Variants in PHF14 observed in about 807,000 individuals in gnomAD.
PHF14 encodes the protein PHD finger protein 14.
A neutral mutation model predicts 117.9 loss-of-function variants in PHF14; 55 were observed. That is an observed-to-expected ratio of 0.47 (90% CI 0.38 to 0.58). The LOEUF (loss-of-function observed/expected upper bound fraction) is 0.58, where lower values mean the gene tolerates loss of function less well. Among genes scored for constraint, PHF14 ranks in the 20% least tolerant of loss-of-function variants. The probability of loss-of-function intolerance (pLI) is 0.00; values close to 1 mark genes in which losing one functional copy is unlikely to be tolerated. For missense variants in PHF14, 978 were observed against 1,122.2 expected, an observed-to-expected ratio of 0.87 and a Z score of 1.84; for synonymous variants, 409 against 368.6, an observed-to-expected ratio of 1.11 and a Z score of -1.26.
At chr7:11,142,776 A>G (rs1355980942) in intron 17 of PHF14, among the ~76,000 whole-genome samples, 1 of 152,146 alleles carries the variant, frequency 6.6e-6, no homozygotes, top group African/African-American at 2.4e-5. Flanking sequence ...TACAAATGAA[A>G]TAGTTCCTGT....
At chr7:11,073,458 A>T (rs988745695) in intron 16 of PHF14, among the ~76,000 whole-genome samples, 2 of 152,254 alleles carry the variant, frequency 1.3e-5, no homozygotes, top group Non-Finnish European at 2.9e-5. Context: ...GCACACTAGT[A>T]CAATGGGTGG....
At chr7:11,099,685 A>G (rs1315374933) in intron 16 of PHF14, among the ~76,000 whole-genome samples, 1 of 152,148 alleles carries the variant, frequency 6.6e-6, no homozygotes, top group Non-Finnish European at 1.5e-5. Context: ...TGTTGACTAG[A>G]TGAATGACCT....
chr7:11,127,900 T>A (rs1583487257), intron 17 of PHF14, among the ~76,000 whole-genome samples: 1 of 152,228 alleles, frequency 6.6e-6, no homozygotes, highest in South Asian at 2.1e-4. Flanking sequence ...GATTTTTTTT[T>A]TCATAATTAT....
chr7:11,128,506 C>T (rs529539846), intron 17 of PHF14, among the ~76,000 whole-genome samples: 16 of 152,008 alleles, frequency 1.1e-4, no homozygotes, highest in Non-Finnish European at 2.1e-4. Context: ...CCATTCTACA[C>T]ACTTTTTCCC....
chr7:11,131,829 CTG>C (rs770405187), intron 17 of PHF14, among the ~76,000 whole-genome samples: 47 of 151,234 alleles, frequency 3.1e-4, no homozygotes, highest in Admixed American at 5.3e-4. Flanking sequence ...CGTTCTCTCT[CTG>C]TCTCTCTCTC....
At chr7:10,974,998 T>C in intron 2 of PHF14, 53 bp downstream of exon 2, 1 of 867,466 alleles carries the variant, frequency 1.2e-6, no homozygotes, top group South Asian at 1.6e-5. Flanking sequence ...GTTAGGCTTA[T>C]TTTTAGACTT....
intron 4 of PHF14, chr7:11,006,507 G>A (rs1783104901): frequency 1.8e-6 from 1 of 560,040 alleles, no homozygotes; most frequent in Non-Finnish European, 3.5e-6. Flanking sequence ...TGACACCTTG[G>A]CCACATCAAT....
intron 2 of PHF14, among the ~76,000 whole-genome samples, chr7:10,976,444 T>A (rs1335596900): frequency 6.6e-6 from 1 of 152,164 alleles, no homozygotes; most frequent in Admixed American, 6.5e-5. Context: ...GTTGTAAACT[T>A]TGACAAACAT....
intron 4 of PHF14, among the ~76,000 whole-genome samples, chr7:10,997,861 T>C (rs1782716006): frequency 6.6e-6 from 1 of 152,172 alleles, no homozygotes; most frequent in Non-Finnish European, 1.5e-5. Flanking sequence ...AATCTAATAT[T>C]GGTAGTGCAT....
At chr7:11,128,883 C>T (rs1788008972) in intron 17 of PHF14, among the ~76,000 whole-genome samples, 2 of 151,708 alleles carry the variant, frequency 1.3e-5, no homozygotes, top group African/African-American at 4.8e-5. Flanking sequence ...TTCTAGTTGC[C>T]CTACAATCCT....
intron 2 of PHF14, among the ~76,000 whole-genome samples, chr7:10,982,032 C>G (rs915723855): frequency 2.6e-5 from 4 of 152,150 alleles, no homozygotes; most frequent in Admixed American, 2.6e-4. Flanking sequence ...AGTGCCCAAT[C>G]TTAAAAGAAG....
intron 14 of PHF14, among the ~76,000 whole-genome samples, chr7:11,059,963 T>TGGGCTCAAGTTATCTTCCC (rs1785159736): frequency 6.6e-6 from 1 of 152,160 alleles, no homozygotes; most frequent in Admixed American, 6.5e-5. Context: ...CTAGATCTCC[T>TGGGCTCAAGTTATCTTCCC]GGGCTCAAGT....
At chr7:10,994,582 G>A (rs1326526033) in intron 4 of PHF14, among the ~76,000 whole-genome samples, 4 of 152,120 alleles carry the variant, frequency 2.6e-5, no homozygotes, top group Non-Finnish European at 5.9e-5. Context: ...TGCAGATTCC[G>A]GTACTGATTT....
intron 16 of PHF14, among the ~76,000 whole-genome samples, chr7:11,072,141 C>T (rs113044401): frequency 1.7e-4 from 26 of 152,192 alleles, no homozygotes; most frequent in African/African-American, 4.8e-4. Flanking sequence ...GGAAGCATAG[C>T]GGTTTCTGCT....
At chr7:10,982,046 A>G (rs1164498170) in intron 2 of PHF14, among the ~76,000 whole-genome samples, 1 of 152,214 alleles carries the variant, frequency 6.6e-6, no homozygotes, top group East Asian at 1.9e-4. Context: ...AAAGAAGCAC[A>G]TTTACTTTAA....
Position 11,138,381 on chromosome 7 carries a change from GA to G in PHF14, c.2772+26923del, listed in dbSNP as rs757311413. On this transcript the variant is annotated intron_variant, in intron 17 of 17. Transcript: ENST00000634607. ...AAGAGACTCCTTACAAGGTGATAAT[GA>G]AAAAAAAACACAGTTGAGAAACACT... Among the ~76,000 whole-genome samples the G allele has an allele frequency of 1.8e-4, 27 of 149,336 alleles. No homozygotes were observed. The East Asian group carries it at 4.3e-3, about 24-fold the overall frequency.
intron 2 of PHF14, among the ~76,000 whole-genome samples, chr7:10,981,369 C>T (rs1484315580): frequency 6.6e-6 from 1 of 152,136 alleles, no homozygotes; most frequent in African/African-American, 2.4e-5. Flanking sequence ...TCCCTCCTCC[C>T]ATTTATTTCT....
chr7:10,974,312 C>CA lies in PHF14; in HGVS notation c.-11dup. 1 of 1,590,412 alleles carries CA rather than the reference C, an allele frequency of 6.3e-7. No individual in the cohort carries two copies. Among genetic ancestry groups the CA allele is most frequent in the African/African-American group, 1.3e-5 (1 of 74,510 alleles). ...CTAAGTCTTCTCCAAACGACCACCT[C>CA]ACGGATTCCTTAGTAAGTGTATCCG... On this transcript the variant is annotated 5_prime_UTR_variant, in exon 1 of 18. Coordinates refer to ENST00000634607, the MANE Select transcript of PHF14 (RefSeq NM_001007157.2).
At chr7:11,098,762 C>T (rs1786973268) in intron 16 of PHF14, among the ~76,000 whole-genome samples, 1 of 152,126 alleles carries the variant, frequency 6.6e-6, no homozygotes, top group African/African-American at 2.4e-5. Context: ...ACACACAGAA[C>T]AGTGTAAGAT....
Sources: gnomAD v4.1 joint callset for allele counts (sites outside exome capture counted in the v4.1 genomes callset) on GRCh38, gnomAD v4.1.1 for gene constraint, MANE v1.5 for transcripts, NCBI Gene and HGNC (gene_info 2026-07-23, HGNC 2026-07-21) for gene names.